The following PPIP5K2 variants were observed in gnomAD, a reference collection of about 807,000 sequenced individuals.
PPIP5K2 encodes the protein inositol hexakisphosphate and diphosphoinositol-pentakisphosphate kinase 2.
In PPIP5K2, 105 loss-of-function variants were observed where a neutral mutation model predicts 154.6. The ratio of observed to expected loss-of-function variants is 0.68; its 90% confidence interval spans 0.58 to 0.80. The LOEUF (loss-of-function observed/expected upper bound fraction) is 0.80. Among genes scored for constraint, PPIP5K2 ranks in the 30% least tolerant of loss-of-function variants. PPIP5K2 has a pLI of 0.00. For missense variants in PPIP5K2, 992 were observed against 1,504.6 expected (o/e 0.66, Z 5.64); for synonymous variants, 480 against 490.3 (o/e 0.98, Z 0.28).
At chr5:103,161,051 T>C (rs1261603376) in intron 17 of PPIP5K2, among the ~76,000 whole-genome samples, 3 of 152,004 alleles carry the variant, frequency 2.0e-5, no homozygotes, top group Non-Finnish European at 4.4e-5. Flanking sequence ...GTTGGTGTGC[T>C]GCACCCATTA....
In PPIP5K2 at chr5:103,150,843, C is replaced by CTTT. The variant is rs377739666; in HGVS notation, c.907-388_907-386dup. On this transcript the variant is annotated intron_variant, in intron 8 of 30. Transcript: ENST00000358359. ...AAAACTATTCTCCACGTCCATCCTCCTTTTTTTTTTTTTTTTTTTTTTTTA... is the reference window on the plus strand; with the variant it reads ...AAAACTATTCTCCACGTCCATCCTCCTTTTTTTTTTTTTTTTTTTTTTTTTTTA... Among the ~76,000 whole-genome samples, 661 of 67,976 alleles carry CTTT rather than the reference C, an allele frequency of 9.7e-3. 2 individuals carry two copies. The highest frequency in any genetic ancestry group is 0.02 in the African/African-American group (350 of 17,542). The allele number at this position is 67,976 out of a possible 152,430, so 44.6% of individuals were successfully genotyped here. A position where few individuals can be genotyped will look rare whatever the true frequency, so the allele number is the denominator to read the frequency against.
intron 2 of PPIP5K2, among the ~76,000 whole-genome samples, chr5:103,130,645 A>C (rs1421912300): frequency 6.6e-6 from 1 of 152,174 alleles, no homozygotes; most frequent in East Asian, 1.9e-4. Context: ...CCTGCCCCTG[A>C]AAAACTAGAT....
intron 3 of PPIP5K2, among the ~76,000 whole-genome samples, chr5:103,134,375 A>G (rs1791121135): frequency 6.6e-6 from 1 of 152,174 alleles, no homozygotes; most frequent in South Asian, 2.1e-4. Flanking sequence ...AGAACTATTA[A>G]TTGAAAAGAT....
At chr5:103,151,071 T>C (rs1794581298) in intron 8 of PPIP5K2, among the ~76,000 whole-genome samples, 182 bp from the exon 9 acceptor site, 1 of 152,036 alleles carries the variant, frequency 6.6e-6, no homozygotes. Context: ...CTCTATAATG[T>C]ATTTTCAGAG....
intron 2 of PPIP5K2, among the ~76,000 whole-genome samples, chr5:103,131,422 T>C (rs188943436): frequency 4.6e-5 from 7 of 152,294 alleles, no homozygotes. Context: ...ATATGTTCAG[T>C]ACAGATGCTT....
At chr5:103,183,849 T>A (rs1259738317) in intron 25 of PPIP5K2, among the ~76,000 whole-genome samples, 3 of 152,328 alleles carry the variant, frequency 2.0e-5, no homozygotes, top group East Asian at 3.9e-4. Context: ...AAACATTTTT[T>A]AAAATATCAG....
At chr5:103,189,550 ATTTCT>A (rs1800905562) in intron 28 of PPIP5K2, among the ~76,000 whole-genome samples, 1 of 152,076 alleles carries the variant, frequency 6.6e-6, no homozygotes, top group South Asian at 2.1e-4. Flanking sequence ...TGCAAGCCTA[ATTTCT>A]TTAGTGCTTA....
chr5:103,173,982 A>G lies in PPIP5K2; in HGVS notation c.2529+10A>G. The G allele has an allele frequency of 6.6e-7, 1 of 1,516,582 alleles. No individual in the cohort carries two copies. The highest frequency in any genetic ancestry group is 9.1e-7 in the Non-Finnish European group (1 of 1,104,152). The allele number at this position is 1,516,582 out of a possible 1,614,324, so 93.9% of individuals were successfully genotyped here. On this transcript the variant is annotated intron_variant, in intron 21 of 30. Coordinates refer to ENST00000358359, the MANE Select transcript of PPIP5K2 (RefSeq NM_001276277.3). ...TGGTGCCTTATGCAATGTAAGTAGA[A>G]TAAGTTATTTCAGTCTAACAAATAT...
chr5:103,165,730 C>T (rs781816476), intron 17 of PPIP5K2, among the ~76,000 whole-genome samples: 11 of 152,140 alleles, frequency 7.2e-5, no homozygotes, highest in African/African-American at 9.6e-5. Context: ...TAAGATGGGA[C>T]GAGATGATGT....
In PPIP5K2 at chr5:103,183,383, C is replaced by T. The variant is rs1799880624; in HGVS notation, c.3072C>T (p.Ser1024=). 1 of 1,610,194 alleles carries T rather than the reference C, an allele frequency of 6.2e-7. No individual in the cohort carries two copies. Among genetic ancestry groups the T allele is most frequent in the South Asian group, 1.1e-5 (1 of 90,528 alleles). ...CCCCCAAATCATTGGCTTTCACATC[C>T]AGTATTTTTGGCTCATGGCAACAGG... ...PVSPKSLAFT[S]SIFGSWQQVV... Residue 1024 remains serine (S), a synonymous_variant, in exon 25 of 31, where the codon TCC becomes TCT. Coordinates refer to ENST00000358359, the MANE Select transcript of PPIP5K2 (RefSeq NM_001276277.3).
chr5:103,136,743 G>C lies in PPIP5K2; in HGVS notation c.322G>C (p.Asp108His). The change falls in exon 4 of 31, where the codon GAC becomes CAC. Residue 108 changes from aspartate (D) to histidine (H), a missense_variant. Physicochemically the swap from Asp to His is moderately conservative, Grantham distance 81. Transcript: ENST00000358359. ...ATATGTGTTCTTAGGATTTCCACTG[G>C]ACAAAGCGGTTGCCTATGCAAAACT... is the stretch of plus-strand genomic sequence containing the variant. ...ISFHSKGFPL[D>H]KAVAYAKLRN... 1 of 1,612,200 alleles carries C rather than the reference G, an allele frequency of 6.2e-7. No individual in the cohort carries two copies. The highest frequency in any genetic ancestry group is 8.5e-7 in the Non-Finnish European group (1 of 1,178,452).
chr5:103,156,160 T>C (rs1795380522), intron 14 of PPIP5K2, among the ~76,000 whole-genome samples, 166 bp downstream of exon 14: 1 of 152,240 alleles, frequency 6.6e-6, no homozygotes, highest in African/African-American at 2.4e-5. Flanking sequence ...AAATAAAGGA[T>C]ACAATTTTAA....
At chr5:103,143,790 G>A (rs901453626) in intron 5 of PPIP5K2, among the ~76,000 whole-genome samples, 3 of 139,996 alleles carry the variant, frequency 2.1e-5, no homozygotes, top group Non-Finnish European at 4.9e-5. Flanking sequence ...TTACCTCTAT[G>A]TGATAAAAGC....
chr5:103,145,484 A>T (rs1459558148), intron 5 of PPIP5K2, among the ~76,000 whole-genome samples: 2 of 152,118 alleles, frequency 1.3e-5, no homozygotes, highest in Non-Finnish European at 2.9e-5. Context: ...GCCAGTATGG[A>T]AACAACCTAA....
At chr5:103,166,282 A>G (rs1323524527) in intron 17 of PPIP5K2, among the ~76,000 whole-genome samples, 1 of 152,046 alleles carries the variant, frequency 6.6e-6, no homozygotes, top group African/African-American at 2.4e-5. Context: ...AAGCATTAGT[A>G]GAAAACACCC....
At chr5:103,189,117 A>G in intron 28 of PPIP5K2, 1 of 1,380,794 alleles carries the variant, frequency 7.2e-7, no homozygotes, top group Non-Finnish European at 9.9e-7. Context: ...ACATGGTGAA[A>G]CAAGTATCTT....
At chr5:103,179,868 G>A (rs2149738075) in intron 23 of PPIP5K2, among the ~76,000 whole-genome samples, 153 bp from the exon 24 acceptor site, 1 of 152,214 alleles carries the variant, frequency 6.6e-6, no homozygotes, top group Middle Eastern at 3.4e-3. Context: ...ATAATACTAA[G>A]CTGTTAGAAG....
At chr5:103,171,262 G>A (rs1554219464) in intron 19 of PPIP5K2, among the ~76,000 whole-genome samples, 2 of 151,490 alleles carry the variant, frequency 1.3e-5, no homozygotes, top group African/African-American at 4.8e-5. Context: ...TTATAGCCAT[G>A]ATGGTATAGT....
At chr5:103,200,522 G>T (rs929913953) in intron 30 of PPIP5K2, among the ~76,000 whole-genome samples, 1 of 151,788 alleles carries the variant, frequency 6.6e-6, no homozygotes, top group African/African-American at 2.4e-5. Context: ...TTTGTTATCT[G>T]TGGGAAGATT....
Sources: allele counts gnomAD v4.1 joint callset (sites outside exome capture counted in the v4.1 genomes callset), GRCh38; gene constraint gnomAD v4.1.1; transcripts MANE v1.5; gene names NCBI Gene and HGNC (gene_info 2026-07-23, HGNC 2026-07-21).